The following CRYBG1 variants were observed in gnomAD, a reference collection of about 807,000 sequenced individuals.
CRYBG1 encodes beta/gamma crystallin domain-containing protein 1.
CRYBG1 carries 139 observed loss-of-function variants against 189.2 expected under a neutral mutation model. The ratio of observed to expected loss-of-function variants is 0.73; its 90% CI spans 0.64 to 0.85. The LOEUF (loss-of-function observed/expected upper bound fraction) is 0.85. Ranked by LOEUF, CRYBG1 falls within the 40% of genes least tolerant of loss-of-function variation. The probability of loss-of-function intolerance (pLI) is 0.00; values close to 1 mark genes in which losing one functional copy is unlikely to be tolerated. For missense variants in CRYBG1, 2,611 were observed against 2,675.8 expected (o/e 0.98, Z 0.53); for synonymous variants, 1,023 against 1,017.1 (o/e 1.01, Z -0.11).
intron 6 of CRYBG1, 112 bp downstream of exon 6, chr6:106,525,498 C>A: frequency 1.3e-6 from 1 of 798,002 alleles, no homozygotes; most frequent in Non-Finnish European, 2.2e-6. Context: ...ATGAAAAGCA[C>A]AGGAAATACT....
intron 1 of CRYBG1, among the ~76,000 whole-genome samples, chr6:106,423,904 C>T (rs1562302821): frequency 6.6e-6 from 1 of 151,868 alleles, no homozygotes; most frequent in Non-Finnish European, 1.5e-5. Flanking sequence ...GGGGCTTTGC[C>T]ACATTGCCCA....
At chr6:106,389,893 G>C (rs547858957) in intron 1 of CRYBG1, among the ~76,000 whole-genome samples, 103 of 152,082 alleles carry the variant, frequency 6.8e-4, no homozygotes, top group African/African-American at 2.5e-3. Context: ...TACAACTTAA[G>C]CCCTTAATAT....
chr6:106,460,284 CCCAG>C (rs1771983609), intron 2 of CRYBG1, among the ~76,000 whole-genome samples: 1 of 152,060 alleles, frequency 6.6e-6, no homozygotes, highest in African/African-American at 2.4e-5. Context: ...AGCCACCGCG[CCCAG>C]CCAGTCTGAG....
intron 1 of CRYBG1, among the ~76,000 whole-genome samples, chr6:106,375,413 GTAAGTAAGTAAA>G (rs58426785): frequency 0.044 from 6,147 of 140,202 alleles, 414 homozygotes; most frequent in African/African-American, 0.16. Flanking sequence ...AAGTAAGTAA[GTAAGTAAGTAAA>G]TAAATAAATA....
intron 2 of CRYBG1, among the ~76,000 whole-genome samples, chr6:106,502,421 A>G (rs1196381150): frequency 1.3e-5 from 2 of 152,212 alleles, no homozygotes; most frequent in Non-Finnish European, 2.9e-5. Flanking sequence ...TTAGGAACTA[A>G]CTTGTCAGTA....
rs1774976836 is a variant in CRYBG1 at position 106,568,927 on chromosome 6, AATTT to A, written c.*363_*366del. On this transcript the variant is annotated 3_prime_UTR_variant, in exon 22 of 22. Transcript: ENST00000633556. ...ATAGTGACAGGAGAGAACTGGAACA[AATTT>A]ACCAACTTTGTGGACCTACAAAGCC... 5.5e-6 allele frequency: 1 copy of A among 183,292 alleles called. No individual in the cohort carries two copies. Among genetic ancestry groups the A allele is most frequent in the Non-Finnish European group, 1.2e-5 (1 of 86,872 alleles). 11.4% of individuals were successfully genotyped at this position (183,292 alleles called of 1,614,324 possible). A position where few individuals can be genotyped will look rare whatever the true frequency, so the allele number is the denominator to read the frequency against.
rs374112542 is a variant in CRYBG1, at chr6:106,520,267, A to T, written c.3059A>T (p.Glu1020Val). 1 of 1,614,174 alleles carries T rather than the reference A, an allele frequency of 6.2e-7. No homozygotes were observed. Among genetic ancestry groups the T allele is most frequent in the Admixed American group, 1.7e-5 (1 of 60,020 alleles). ...LGNEHSHCTA[E>V]LAAKSGPQVI... ...AATGAACACTCTCATTGCACAGCAGAGCTCGCGGCAAAATCTGGCCCACAA... is the reference window on the plus strand; with the variant it reads ...AATGAACACTCTCATTGCACAGCAGTGCTCGCGGCAAAATCTGGCCCACAA... The change falls in exon 4 of 22, where the codon GAG becomes GTG. Residue 1020 changes from glutamate (E) to valine (V), a missense_variant. By Grantham distance (121) the Glu-to-Val change is moderately radical. Around this residue, in one of 3 missense-constraint regions of CRYBG1, gnomAD observed 1,622 missense variants for 1,735.0 expected, o/e 0.93. Coordinates refer to ENST00000633556, the MANE Select transcript of CRYBG1 (RefSeq NM_001371242.2).
intron 17 of CRYBG1, among the ~76,000 whole-genome samples, chr6:106,556,276 C>A (rs540652844): frequency 6.6e-6 from 1 of 152,304 alleles, no homozygotes; most frequent in African/African-American, 2.4e-5. Flanking sequence ...TTCTCTCATT[C>A]TAATTTTTGT....
At chr6:106,470,610 A>T (rs1772213410) in intron 2 of CRYBG1, among the ~76,000 whole-genome samples, 1 of 152,154 alleles carries the variant, frequency 6.6e-6, no homozygotes, top group South Asian at 2.1e-4. Context: ...CTGCACTATA[A>T]AAAGATGAGT....
rs752323326 is a variant in CRYBG1, at chr6:106,512,388, C to T, written c.1271C>T (p.Ser424Leu). ...SGRRSGRRRG[S>L]QKSTDSPGAD... Reference sequence around the variant, plus strand: ...CGTAGGTCGGGGAGGCGGAGGGGGTCGCAGAAATCCACCGACTCCCCCGGC... The same window carrying T: ...CGTAGGTCGGGGAGGCGGAGGGGGTTGCAGAAATCCACCGACTCCCCCGGC... The change falls in exon 3 of 22, where the codon TCG (serine) becomes TTG (leucine). Residue 424 changes from serine (S) to leucine (L), a missense_variant. Physicochemically the swap from Ser to Leu is moderately radical, Grantham distance 145. Transcript: ENST00000633556. 6 of 1,610,210 alleles carry T rather than the reference C, an allele frequency of 3.7e-6. No individual in the cohort carries two copies. Among genetic ancestry groups the T allele is most frequent in the African/African-American group, 2.7e-5 (2 of 74,904 alleles).
At chr6:106,508,122 A>G (rs540274249) in intron 2 of CRYBG1, among the ~76,000 whole-genome samples, 1 of 152,328 alleles carries the variant, frequency 6.6e-6, no homozygotes, top group South Asian at 2.1e-4. Context: ...ACATGCCTAT[A>G]GTCTCAGCTA....
intron 21 of CRYBG1, among the ~76,000 whole-genome samples, chr6:106,565,058 G>T (rs538243648): frequency 1.9e-3 from 294 of 152,266 alleles, no homozygotes; most frequent in Non-Finnish European, 3.6e-3. Flanking sequence ...CGTGGCTCAC[G>T]CCTGTAATCC....
At chr6:106,379,714 A>G (rs533813292) in intron 1 of CRYBG1, among the ~76,000 whole-genome samples, 4 of 152,190 alleles carry the variant, frequency 2.6e-5, no homozygotes, top group African/African-American at 9.6e-5. Context: ...GTGCACCACC[A>G]TGCCTGGCTA....
chr6:106,531,072 T>A (rs1404427440), intron 8 of CRYBG1, among the ~76,000 whole-genome samples: 1 of 152,254 alleles, frequency 6.6e-6, no homozygotes, highest in African/African-American at 2.4e-5. Context: ...ATGTTTTTAC[T>A]AATGGTTTAT....
chr6:106,494,875 TTAAAA>T (rs1772808693), intron 2 of CRYBG1, among the ~76,000 whole-genome samples: 4 of 152,146 alleles, frequency 2.6e-5, no homozygotes, highest in Admixed American at 2.0e-4. Context: ...AAAGCTGGAA[TTAAAA>T]TAAAGCAAAA....
rs1270216967 is a variant in CRYBG1 at position 106,527,476 on chromosome 6, T to A, written c.4578+6T>A. On this transcript the variant is annotated splice_donor_region_variant and intron_variant, in intron 7 of 21. Coordinates refer to ENST00000633556, the MANE Select transcript of CRYBG1 (RefSeq NM_001371242.2). ...CCATCAGACATGTGGTTCAGGTAGG[T>A]TGTGGTAAATATGGATTTTATTTAT... 6.2e-7 allele frequency: 1 copy of A among 1,604,368 alleles called. No homozygotes were observed. Among genetic ancestry groups the A allele is most frequent in the Non-Finnish European group, 8.5e-7 (1 of 1,176,450 alleles).
At chr6:106,534,469 G>T (rs1315235915) in intron 8 of CRYBG1, among the ~76,000 whole-genome samples, 1 of 152,192 alleles carries the variant, frequency 6.6e-6, no homozygotes, top group Non-Finnish European at 1.5e-5. Context: ...GGGTTGAGAA[G>T]ATGTCACTGA....
At chr6:106,554,396 T>C (rs1053091966) in intron 16 of CRYBG1, among the ~76,000 whole-genome samples, 2 of 152,152 alleles carry the variant, frequency 1.3e-5, no homozygotes, top group African/African-American at 4.8e-5. Context: ...GGCAGATCAC[T>C]TGAGGTCAGG....
At position 106,381,468 on chromosome 6, in the gene CRYBG1, GAGA is replaced by G. The variant is rs1770286808; in HGVS notation, c.173+20390_173+20392del. Among the ~76,000 whole-genome samples, 9 of 152,318 alleles carry G rather than the reference GAGA, an allele frequency of 5.9e-5. No individual in the cohort carries two copies. The South Asian group carries it at 1.9e-3, about 32-fold the overall frequency. On this transcript the variant is annotated intron_variant, in intron 1 of 21. Transcript: ENST00000633556. ...ATCCAGTGAAAGACAGTTTTACTGAGAGAAGGTTACCTAGGAGATTGGCATCTT... is the reference window on the plus strand; with the variant it reads ...ATCCAGTGAAAGACAGTTTTACTGAGAGGTTACCTAGGAGATTGGCATCTT...
Sources: gnomAD v4.1 joint callset for allele counts (sites outside exome capture counted in the v4.1 genomes callset) on GRCh38, gnomAD v4.1.1 for gene constraint, gnomAD v4.1.1 regional missense constraint, MANE v1.5 for transcripts, NCBI Gene and HGNC (gene_info 2026-07-23, HGNC 2026-07-21) for gene names.